The following CDH13 variants were observed in gnomAD, a reference collection of about 807,000 sequenced individuals.
The protein encoded by CDH13 is cadherin 13, also known as cadherin-13.
A neutral mutation model predicts 63.8 loss-of-function variants in CDH13; 24 were observed. That is an observed-to-expected ratio of 0.38 (90% CI 0.27 to 0.53). CDH13 has a LOEUF of 0.53. Among genes scored for constraint, CDH13 ranks in the 20% least tolerant of loss-of-function variants. The probability of loss-of-function intolerance (pLI) is 0.85; values close to 1 mark genes in which losing one functional copy is unlikely to be tolerated. For synonymous variants in CDH13, 503 were observed against 355.3 expected (o/e 1.42, Z -4.67); for missense variants, 1,049 against 903.1 (o/e 1.16, Z -2.07).
At chr16:83,794,985 T>G in intron 13 of CDH13, 38 bp from the exon 14 acceptor site, 1 of 1,576,528 alleles carries the variant, frequency 6.3e-7, no homozygotes, top group Non-Finnish European at 8.6e-7. Flanking sequence ...AATTGAGTGG[T>G]GATATTCCCG....
chr16:82,754,813 CA>C (rs1242946346), intron 1 of CDH13, among the ~76,000 whole-genome samples: 1 of 152,068 alleles, frequency 6.6e-6, no homozygotes, highest in Non-Finnish European at 1.5e-5. Context: ...ATGAATAATA[CA>C]AAAAAATCCA....
chr16:82,642,699 GA>G (rs1328108471), intron 1 of CDH13, among the ~76,000 whole-genome samples: 2 of 152,172 alleles, frequency 1.3e-5, no homozygotes, highest in Non-Finnish European at 2.9e-5. Context: ...GGGAATTGAG[GA>G]ATAATAATAG....
chr16:82,890,016 T>C (rs2041023620), intron 2 of CDH13, among the ~76,000 whole-genome samples: 1 of 152,246 alleles, frequency 6.6e-6, no homozygotes, highest in African/African-American at 2.4e-5. Context: ...GATTTGTGAC[T>C]ACATGGTTTC....
intron 3 of CDH13, among the ~76,000 whole-genome samples, chr16:83,122,959 C>A (rs1307626419): frequency 6.6e-6 from 1 of 152,122 alleles, no homozygotes; most frequent in Non-Finnish European, 1.5e-5. Flanking sequence ...TCCCCACTGT[C>A]TCTTATTCCA....
chr16:83,477,834 A>G lies in CDH13; in HGVS notation c.782-8643A>G, dbSNP rs530638395. On this transcript the variant is annotated intron_variant, in intron 6 of 13. Coordinates refer to ENST00000567109, the MANE Select transcript of CDH13 (RefSeq NM_001257.5). ...TTCTAGTCCCACTGAGTGATCTTTT[A>G]TTTTTTAAATTTGAACTAGTGTCTA... Among the ~76,000 whole-genome samples the G allele has an allele frequency of 2.1e-4, 32 of 152,136 alleles. No homozygotes were observed. In the East Asian group the frequency reaches 5.8e-3, roughly 28 times the overall value.
At chr16:83,581,466 T>TA (rs1905591520) in intron 7 of CDH13, among the ~76,000 whole-genome samples, 2 of 152,192 alleles carry the variant, frequency 1.3e-5, no homozygotes, top group Non-Finnish European at 2.9e-5. Context: ...TATCCACATC[T>TA]CCTCCTTATT....
chr16:82,972,005 C>T (rs982605927), intron 2 of CDH13, among the ~76,000 whole-genome samples: 5 of 152,138 alleles, frequency 3.3e-5, no homozygotes, highest in African/African-American at 1.2e-4. Flanking sequence ...CTGGGCCCTG[C>T]CATAAGCTTA....
intron 1 of CDH13, among the ~76,000 whole-genome samples, chr16:82,817,856 T>G (rs569271210): frequency 1.3e-5 from 2 of 152,272 alleles, no homozygotes; most frequent in South Asian, 4.2e-4. Context: ...CATGCACGCA[T>G]GCATGAATAT....
intron 3 of CDH13, among the ~76,000 whole-genome samples, chr16:83,043,314 C>T (rs1567775137): frequency 6.6e-6 from 1 of 151,960 alleles, no homozygotes; most frequent in African/African-American, 2.4e-5. Flanking sequence ...GTATAGATAA[C>T]TAAAAATGGC....
intron 1 of CDH13, among the ~76,000 whole-genome samples, chr16:82,702,874 C>T (rs1036993007): frequency 3.3e-5 from 5 of 152,242 alleles, no homozygotes; most frequent in Admixed American, 6.5e-5. Context: ...CTAGATCTTC[C>T]TGTGCATTTA....
intron 1 of CDH13, among the ~76,000 whole-genome samples, chr16:82,650,760 G>T (rs1401860761): frequency 6.6e-6 from 1 of 152,194 alleles, no homozygotes. Flanking sequence ...CTGAGGCTGA[G>T]CCACTGGAGA....
At chr16:83,649,171 T>C (rs1203309028) in intron 8 of CDH13, among the ~76,000 whole-genome samples, 1 of 152,260 alleles carries the variant, frequency 6.6e-6, no homozygotes, top group East Asian at 1.9e-4. Flanking sequence ...AGGCTGCTGT[T>C]GGAGTGAGCC....
rs539460696 is a variant in CDH13 at position 83,045,695 on chromosome 16, C to G, written c.366+13477C>G. ...CATTTCTCAAGGGAAAAAAACATCT[C>G]CAATGATGAGAAAATACAGTGTTTG... On this transcript the variant is annotated intron_variant, in intron 3 of 13. Coordinates refer to ENST00000567109, the MANE Select transcript of CDH13 (RefSeq NM_001257.5). Among the ~76,000 whole-genome samples, 55 of 148,948 alleles carry G rather than the reference C, an allele frequency of 3.7e-4. No homozygotes were observed. The South Asian group carries it at 0.012, about 32-fold the overall frequency.
intron 6 of CDH13, among the ~76,000 whole-genome samples, chr16:83,388,326 G>A (rs190409734): frequency 5.9e-4 from 89 of 151,564 alleles, no homozygotes; most frequent in Non-Finnish European, 1.2e-3. Context: ...TGGTGGTAAT[G>A]CCTGTAGTCC....
At position 82,644,146 on chromosome 16, in the gene CDH13, T is replaced by C. The variant is rs895212295; in HGVS notation, c.45+17009T>C. ...TGTACTCAAGTTGATAGCAGATTGC[T>C]GAAGGATTTAGGATTTACCCAAATT... On this transcript the variant is annotated intron_variant, in intron 1 of 13. Transcript: ENST00000567109. This position sits in a 1 kb window ranked among gnomAD's most constrained non-coding sequence, Gnocchi z 5.7. Among the ~76,000 whole-genome samples, 4 of 152,160 alleles carry C rather than the reference T, an allele frequency of 2.6e-5. No homozygotes were observed. Among genetic ancestry groups the C allele is most frequent in the African/African-American group, 9.7e-5 (4 of 41,432 alleles).
chr16:83,334,916 T>C (rs908554517), intron 5 of CDH13, among the ~76,000 whole-genome samples: 5 of 152,212 alleles, frequency 3.3e-5, no homozygotes, highest in Non-Finnish European at 7.3e-5. Context: ...ACCAAGCCTG[T>C]ACATATATTG....
chr16:83,665,425 T>C (rs566529880), intron 8 of CDH13, among the ~76,000 whole-genome samples: 3 of 152,354 alleles, frequency 2.0e-5, no homozygotes, highest in African/African-American at 7.2e-5. Flanking sequence ...TTTATATCAG[T>C]CACAGTTGCT....
chr16:83,519,118 G>C (rs1426209527), intron 7 of CDH13, among the ~76,000 whole-genome samples: 1 of 152,174 alleles, frequency 6.6e-6, no homozygotes, highest in Non-Finnish European at 1.5e-5. Flanking sequence ...ATAGAGAATA[G>C]AGTTTTATAG....
chr16:82,727,944 G>T lies in CDH13; in HGVS notation c.45+100807G>T, dbSNP rs144799268. Among the ~76,000 whole-genome samples the T allele has an allele frequency of 7.9e-5, 12 of 152,210 alleles. No individual in the cohort carries two copies. The East Asian group carries it at 1.5e-3, about 20-fold the overall frequency. On this transcript the variant is annotated intron_variant, in intron 1 of 13. Coordinates refer to ENST00000567109, the MANE Select transcript of CDH13 (RefSeq NM_001257.5). ...TGGACACAGCCCTGTGTCTCTGCAGGTTCAAATTCCCCTGAATGAGAGAAA... is the reference window on the plus strand; with the variant it reads ...TGGACACAGCCCTGTGTCTCTGCAGTTTCAAATTCCCCTGAATGAGAGAAA...
Sources: gnomAD v4.1 joint callset for allele counts (sites outside exome capture counted in the v4.1 genomes callset) on GRCh38, gnomAD v4.1.1 for gene constraint, Gnocchi (gnomAD v3.1) non-coding constraint, MANE v1.5 for transcripts, NCBI Gene and HGNC (gene_info 2026-07-23, HGNC 2026-07-21) for gene names.